The following CAMK2B variants were observed in gnomAD, a reference collection of about 807,000 sequenced individuals.
The protein encoded by CAMK2B is calcium/calmodulin dependent protein kinase II beta, also known as calcium/calmodulin-dependent protein kinase type II subunit beta.
Under a neutral mutation model 93.7 loss-of-function variants are expected in CAMK2B, and 27 were observed. The ratio of observed to expected loss-of-function variants is 0.29; its 90% confidence interval spans 0.21 to 0.40. The LOEUF is 0.40. CAMK2B is among the 10% of genes least tolerant of loss of function. The pLI, the probability that CAMK2B is intolerant of heterozygous loss-of-function variation, is 1.00. For missense variants in CAMK2B, 568 were observed against 895.8 expected (o/e 0.63, Z 4.67); for synonymous variants, 374 against 358.8 (o/e 1.04, Z -0.48).
chr7:44,291,718 C>A (rs1258146153), intron 1 of CAMK2B, among the ~76,000 whole-genome samples: 1 of 152,238 alleles, frequency 6.6e-6, no homozygotes, highest in Non-Finnish European at 1.5e-5. Context: ...GTGCTTCCTC[C>A]ATTAGCAAGC....
chr7:44,220,149 C>T lies in CAMK2B; in HGVS notation c.1914G>A (p.Glu638=), dbSNP rs2096381617. 1 of 1,612,494 alleles carries T rather than the reference C, an allele frequency of 6.2e-7. No homozygotes were observed. Among genetic ancestry groups the T allele is most frequent in the Admixed American group, 1.7e-5 (1 of 59,964 alleles). ...CGCGGCGGTGCCACACGCGGGTCTCCTCAGACTGGCTGGTGCGGGGCCGGC... is the reference window on the plus strand; with the variant it reads ...CGCGGCGGTGCCACACGCGGGTCTCTTCAGACTGGCTGGTGCGGGGCCGGC... ...GQGRPRTSQS[E]ETRVWHRRDG... is the part of the protein sequence containing the mutation. The change falls in exon 23 of 24, where the codon GAG becomes GAA. Residue 638 remains glutamate, a synonymous_variant. Coordinates refer to ENST00000395749, the MANE Select transcript of CAMK2B (RefSeq NM_001220.5).
intron 2 of CAMK2B, among the ~76,000 whole-genome samples, chr7:44,264,633 T>C (rs2096907908): frequency 6.6e-6 from 1 of 152,142 alleles, no homozygotes; most frequent in African/African-American, 2.4e-5. Flanking sequence ...GCCCAGGGCA[T>C]ACCTGCTCCC....
chr7:44,294,182 C>T (rs1285865889), intron 1 of CAMK2B, among the ~76,000 whole-genome samples: 1 of 152,188 alleles, frequency 6.6e-6, no homozygotes, highest in Non-Finnish European at 1.5e-5. Flanking sequence ...TTCTTGGGTC[C>T]TCCCTGCCCT....
rs1041749689 is a variant in CAMK2B, at chr7:44,236,107, G to A, written c.1022-1431C>T. Among the ~76,000 whole-genome samples the A allele has an allele frequency of 4.6e-5, 7 of 152,200 alleles. No homozygotes were observed. The East Asian group carries it at 9.6e-4, about 21-fold the overall frequency. ...GGACATCTGTTCCATAAGCCCTCCCGGTGGTTCTGACGCTGGGTGCTCCAG... is the reference window on the plus strand; with the variant it reads ...GGACATCTGTTCCATAAGCCCTCCCAGTGGTTCTGACGCTGGGTGCTCCAG... On this transcript the variant is annotated intron_variant, in intron 13 of 23. Transcript: ENST00000395749.
rs1793825039 is a variant in CAMK2B, at chr7:44,312,528, G to C, written c.65+12829C>G. Among the ~76,000 whole-genome samples the C allele has an allele frequency of 6.6e-6, 1 of 152,190 alleles. No individual in the cohort carries two copies. The highest frequency in any genetic ancestry group is 2.1e-4 in the South Asian group (1 of 4,834). ...GAGGCTGGAGAAAGAAACAGCCCCA[G>C]GTCCTTCCCGGGAGGGGCTGCCCCA... On this transcript the variant is annotated intron_variant, in intron 1 of 23. Coordinates refer to ENST00000395749, the MANE Select transcript of CAMK2B (RefSeq NM_001220.5). This position sits in a 1 kb window ranked among gnomAD's most constrained non-coding sequence, Gnocchi z 4.1.
chr7:44,294,770 G>A (rs998900064), intron 1 of CAMK2B, among the ~76,000 whole-genome samples: 2 of 152,110 alleles, frequency 1.3e-5, no homozygotes, highest in Non-Finnish European at 2.9e-5. Flanking sequence ...CAATTCTATG[G>A]GGGTGCTGGC....
chr7:44,240,798 G>A (rs1010116876), intron 11 of CAMK2B, 49 bp from the exon 12 acceptor site: 1 of 1,594,494 alleles, frequency 6.3e-7, no homozygotes, highest in Non-Finnish European at 8.6e-7. Context: ...AGTGTTCCCT[G>A]CTGGCTTCTG....
intron 8 of CAMK2B, 67 bp downstream of exon 8, chr7:44,243,183 A>C (rs1233805907): frequency 8.3e-7 from 1 of 1,209,480 alleles, no homozygotes. Flanking sequence ...TGCACACTCC[A>C]GGATGTAGGT....
chr7:44,264,681 G>A (rs573869913), intron 2 of CAMK2B, among the ~76,000 whole-genome samples: 19 of 152,266 alleles, frequency 1.2e-4, no homozygotes, highest in Admixed American at 2.0e-4. Flanking sequence ...AGCACTGCAC[G>A]GTCTTCCAGA....
chr7:44,319,585 T>G (rs1263545901), intron 1 of CAMK2B, among the ~76,000 whole-genome samples: 1 of 151,924 alleles, frequency 6.6e-6, no homozygotes, highest in Non-Finnish European at 1.5e-5. Flanking sequence ...GCGGCAGGAG[T>G]CCACTTGCAC....
rs1320568512 is a variant in CAMK2B at position 44,286,271 on chromosome 7, C to T, written c.66-2046G>A. ...ACGCTCTGACCCCTAGAGGGCTCAG[C>T]GGCCACAGGGCTGACGTGGCAGGCC... On this transcript the variant is annotated intron_variant, in intron 1 of 23. Transcript: ENST00000395749. This position sits in a 1 kb window ranked among gnomAD's most constrained non-coding sequence, Gnocchi z 4.0. Among the ~76,000 whole-genome samples, 2 of 152,140 alleles carry T rather than the reference C, an allele frequency of 1.3e-5. No homozygotes were observed. Among genetic ancestry groups the T allele is most frequent in the Admixed American group, 6.5e-5 (1 of 15,282 alleles).
At chr7:44,266,916 C>T (rs1321493418) in intron 2 of CAMK2B, 1 of 152,274 alleles carries the variant, frequency 6.6e-6, no homozygotes, top group African/African-American at 2.4e-5. Context: ...ATCCAACAGC[C>T]GGTGCCTGGT....
chr7:44,243,840 T>C (rs1046209240), intron 6 of CAMK2B, among the ~76,000 whole-genome samples: 4 of 152,168 alleles, frequency 2.6e-5, no homozygotes, highest in African/African-American at 9.7e-5. Flanking sequence ...TGGGGGCTAG[T>C]TGGACCAAAA....
At chr7:44,270,078 C>A (rs1328062304) in intron 2 of CAMK2B, among the ~76,000 whole-genome samples, 2 of 151,876 alleles carry the variant, frequency 1.3e-5, no homozygotes, top group East Asian at 1.9e-4. Context: ...GAACGTACCC[C>A]CCCCCCATTC....
At chr7:44,303,478 T>C (rs1003228551) in intron 1 of CAMK2B, among the ~76,000 whole-genome samples, 2 of 152,092 alleles carry the variant, frequency 1.3e-5, no homozygotes, top group African/African-American at 4.8e-5. Flanking sequence ...GAGCAAAGTC[T>C]GAGGTTTGTG....
At chr7:44,258,004 G>C (rs1035606182) in intron 4 of CAMK2B, among the ~76,000 whole-genome samples, 4 of 152,264 alleles carry the variant, frequency 2.6e-5, no homozygotes, top group African/African-American at 9.6e-5. Flanking sequence ...GGCCACAGGG[G>C]CAGGCTAAGG....
intron 1 of CAMK2B, among the ~76,000 whole-genome samples, chr7:44,290,481 G>A (rs1786475574): frequency 6.6e-6 from 1 of 152,234 alleles, no homozygotes; most frequent in African/African-American, 2.4e-5. Context: ...CCAGCCTCAG[G>A]CCACCTACGT....
intron 1 of CAMK2B, among the ~76,000 whole-genome samples, chr7:44,309,162 C>T (rs1363984709): frequency 1.3e-5 from 2 of 152,300 alleles, no homozygotes; most frequent in Admixed American, 6.5e-5. Context: ...CCAGGCCAGG[C>T]CCCAGAGAGG....
At chr7:44,231,266 C>T (rs745632352) in intron 16 of CAMK2B, among the ~76,000 whole-genome samples, 5 of 152,186 alleles carry the variant, frequency 3.3e-5, no homozygotes, top group African/African-American at 4.8e-5. Context: ...GGACCTCATG[C>T]GGCAGTGACC....
Sources: allele counts gnomAD v4.1 joint callset (sites outside exome capture counted in the v4.1 genomes callset), GRCh38; gene constraint gnomAD v4.1.1; non-coding constraint Gnocchi (gnomAD v3.1); transcripts MANE v1.5; gene names NCBI Gene and HGNC (gene_info 2026-07-23, HGNC 2026-07-21).